The following WDR75 variants were observed in gnomAD, a reference collection of about 807,000 sequenced individuals.
The protein encoded by WDR75 is WD repeat domain 75.
A neutral mutation model predicts 106.1 loss-of-function variants in WDR75; 52 were observed. That is an observed-to-expected ratio of 0.49 (90% CI 0.39 to 0.62). The LOEUF is 0.62. Among genes scored for constraint, WDR75 ranks in the 20% least tolerant of loss-of-function variants. The probability of loss-of-function intolerance (pLI) is 0.00; values close to 1 mark genes in which losing one functional copy is unlikely to be tolerated. For missense variants in WDR75, 905 were observed against 970.3 expected (o/e 0.93, Z 0.89); for synonymous variants, 333 against 335.5 (o/e 0.99, Z 0.08).
intron 12 of WDR75, among the ~76,000 whole-genome samples, 170 bp from the exon 13 acceptor site, chr2:189,466,253 CTT>C (rs1686996896): frequency 6.6e-6 from 1 of 152,274 alleles, no homozygotes; most frequent in South Asian, 2.1e-4. Context: ...TATTAGAACT[CTT>C]TGCGTCCTGT....
chr2:189,441,730 C>T (rs553884208), intron 1 of WDR75, 152 bp downstream of exon 1: 3 of 838,506 alleles, frequency 3.6e-6, no homozygotes, highest in African/African-American at 1.7e-5. Flanking sequence ...CCCCAGGGTA[C>T]CTGGGAGGTC....
At chr2:189,442,517 C>T (rs1686401329) in intron 1 of WDR75, among the ~76,000 whole-genome samples, 1 of 122,032 alleles carries the variant, frequency 8.2e-6, no homozygotes, top group Non-Finnish European at 1.6e-5. Flanking sequence ...GTGGCTCAAT[C>T]TAGGCTCATT....
rs756212226 is a variant in WDR75 at position 189,458,802 on chromosome 2, A to T, written c.619A>T (p.Thr207Ser). Reference sequence around the variant, plus strand: ...TAAGAAGCATGCTAAAAACAATTTTACATGTGTAGCATGTCACCCAACGGA... The same window carrying T: ...TAAGAAGCATGCTAAAAACAATTTTTCATGTGTAGCATGTCACCCAACGGA... The part of the protein sequence containing the change: ...RNKKHAKNNF[T>S]CVACHPTEDC... Residue 207 changes from threonine (T) to serine (S), a missense_variant, in exon 7 of 21, where the codon ACA becomes TCA. By Grantham distance (58) the Thr-to-Ser change is moderately conservative. Coordinates refer to ENST00000314761, the MANE Select transcript of WDR75 (RefSeq NM_032168.3). 26 of 1,607,350 alleles carry T rather than the reference A, an allele frequency of 1.6e-5. No individual in the cohort carries two copies. The highest frequency in any genetic ancestry group is 2.2e-5 in the Non-Finnish European group (26 of 1,177,184).
In WDR75 at chr2:189,458,735, G is replaced by GT. The variant is rs576214591; in HGVS notation, c.570-8dup. On this transcript the variant is annotated splice_polypyrimidine_tract_variant and intron_variant, in intron 6 of 20. Coordinates refer to ENST00000314761, the MANE Select transcript of WDR75 (RefSeq NM_032168.3). Reference sequence around the variant, plus strand: ...GAGACTTTAATAATTAAGGGAATTTGTTTTTTTTTTCTCCTAGGTTTACTT... The same window carrying GT: ...GAGACTTTAATAATTAAGGGAATTTGTTTTTTTTTTTCTCCTAGGTTTACTT... 0.015 allele frequency: 19,651 copies of GT among 1,297,544 alleles called. 2 individuals are homozygous for GT. Among genetic ancestry groups the GT allele is most frequent in the South Asian group, 0.037 (2,317 of 63,280 alleles). The allele number at this position is 1,297,544 out of a possible 1,614,324, so 80.4% of individuals were successfully genotyped here. A position where few individuals can be genotyped will look rare whatever the true frequency, so the allele number is the denominator to read the frequency against.
intron 12 of WDR75, 43 bp downstream of exon 12, chr2:189,465,297 A>G: frequency 1.3e-6 from 2 of 1,518,088 alleles, no homozygotes; most frequent in Non-Finnish European, 1.8e-6. Flanking sequence ...AGTATAAAAT[A>G]TTTCACTTCC....
chr2:189,464,944 C>T, intron 11 of WDR75, 135 bp from the exon 12 acceptor site: 7 of 595,370 alleles, frequency 1.2e-5, no homozygotes, highest in Admixed American at 3.6e-5. Flanking sequence ...TCATTTTTGC[C>T]TTTATTTAAA....
chr2:189,450,644 C>T (rs1057085779), intron 2 of WDR75: 1 of 1,275,158 alleles, frequency 7.8e-7, no homozygotes, highest in African/African-American at 1.6e-5. Context: ...CAAAACCTTA[C>T]CATCTCCCTC....
At position 189,463,877 on chromosome 2, in the gene WDR75, T is replaced by G; in HGVS notation, c.1029T>G (p.Asp343Glu). 1 of 1,613,926 alleles carries G rather than the reference T, an allele frequency of 6.2e-7. No homozygotes were observed. Among genetic ancestry groups the G allele is most frequent in the Non-Finnish European group, 8.5e-7 (1 of 1,179,840 alleles). The change falls in exon 11 of 21, where the codon GAT (aspartate) becomes GAG (glutamate). Residue 343 changes from aspartate to glutamate, a missense_variant. Coordinates refer to ENST00000314761, the MANE Select transcript of WDR75 (RefSeq NM_032168.3). ...DRSIFTGLMI[D>E]PRTKALVLNG... ...GTATCTTCACTGGTTTGATGATTGA[T>G]CCAAGAACTAAAGCTTTGGTTTTGA...
At position 189,469,436 on chromosome 2, in the gene WDR75, G is replaced by C. The variant is rs776042375; in HGVS notation, c.1816G>C (p.Asp606His). 1.2e-6 allele frequency: 2 copies of C among 1,609,146 alleles called. No homozygotes were observed. The highest frequency in any genetic ancestry group is 2.7e-5 in the African/African-American group (2 of 74,792). Residue 606 changes from aspartate (D) to histidine (H), a missense_variant, in exon 16 of 21, where the codon GAC becomes CAC. Asp to His is a moderately conservative substitution (Grantham distance 81). Coordinates refer to ENST00000314761, the MANE Select transcript of WDR75 (RefSeq NM_032168.3). ...AATCTCTCAGTCTTCAGTGGGTTCA[G>C]ACTGTAAGTACAAACCACACTTTGT... ...AAISQSSVGS[D>H]LFVFKPSEPR...
At chr2:189,449,852 C>T (rs1389778362) in intron 2 of WDR75, 2 of 984,594 alleles carry the variant, frequency 2.0e-6, no homozygotes, top group East Asian at 1.1e-4. Context: ...TCTCTGAGTC[C>T]ATGTCTCTAT....
At chr2:189,472,303 T>G (rs1488872461) in intron 18 of WDR75, among the ~76,000 whole-genome samples, 1 of 152,134 alleles carries the variant, frequency 6.6e-6, no homozygotes, top group Admixed American at 6.5e-5. Flanking sequence ...AACAGGGAAG[T>G]CTACGTAGGC....
chr2:189,466,665 G>C, intron 13 of WDR75, 83 bp downstream of exon 13: 3 of 1,380,278 alleles, frequency 2.2e-6, no homozygotes, highest in Non-Finnish European at 2.9e-6. Flanking sequence ...ATCCATCCTG[G>C]GAGGACATTT....
intron 18 of WDR75, among the ~76,000 whole-genome samples, chr2:189,473,351 C>A (rs565310039): frequency 6.6e-6 from 1 of 152,300 alleles, no homozygotes; most frequent in Admixed American, 6.5e-5. Flanking sequence ...CATCTCAGGT[C>A]TGGCAGAAAT....
intron 1 of WDR75, among the ~76,000 whole-genome samples, chr2:189,443,168 C>G (rs973054548): frequency 2.6e-5 from 4 of 152,192 alleles, no homozygotes; most frequent in African/African-American, 9.7e-5. Context: ...ATTTTTCTTA[C>G]TGTGGTCCTG....
At position 189,474,165 on chromosome 2, in the gene WDR75, CTT is replaced by C. The variant is rs1251745120; in HGVS notation, c.2050-19_2050-18del. Reference sequence around the variant, plus strand: ...CTTCCTTTTTTCTGAAATAATTTCTCTTTGTCTTAAATCCTTAAAGCTGCTAG... The same window carrying C: ...CTTCCTTTTTTCTGAAATAATTTCTCTGTCTTAAATCCTTAAAGCTGCTAG... On this transcript the variant is annotated intron_variant, in intron 18 of 20. Transcript: ENST00000314761. 1 of 1,593,728 alleles carries C rather than the reference CTT, an allele frequency of 6.3e-7. No homozygotes were observed. The highest frequency in any genetic ancestry group is 1.4e-5 in the African/African-American group (1 of 73,516).
chr2:189,474,493 A>T (rs1286639812), intron 19 of WDR75, among the ~76,000 whole-genome samples, 161 bp downstream of exon 19: 1 of 152,170 alleles, frequency 6.6e-6, no homozygotes, highest in Non-Finnish European at 1.5e-5. Flanking sequence ...GTGATCTGGG[A>T]TTGTTTTGTC....
rs1230527001 is a variant in WDR75 at position 189,458,826 on chromosome 2, G to A, written c.643G>A (p.Glu215Lys). The A allele has an allele frequency of 1.9e-6, 3 of 1,609,054 alleles. No homozygotes were observed. In the Admixed American group the frequency reaches 5.1e-5, roughly 27 times the overall value. ...TACATGTGTAGCATGTCACCCAACG[G>A]AAGACTGCATCGCATCTGGTCACAT... ...NFTCVACHPT[E>K]DCIASGHMDG... The change falls in exon 7 of 21, where the codon GAA (glutamate) becomes AAA (lysine). Residue 215 changes from glutamate to lysine, a missense_variant. Transcript: ENST00000314761.
Position 189,462,534 on chromosome 2 carries a change from G to C in WDR75, c.829G>C (p.Asp277His). 6.2e-7 allele frequency: 1 copy of C among 1,614,068 alleles called. No homozygotes were observed. The highest frequency in any genetic ancestry group is 8.5e-7 in the Non-Finnish European group (1 of 1,179,974). ...GRESVLVEWR[D>H]ATEKNKEFLP... ...TGAATCTGTACTTGTAGAGTGGCGC[G>C]ATGCAACAGAGAAGAATAAGGAGTT... The change falls in exon 9 of 21, where the codon GAT becomes CAT. Residue 277 changes from aspartate to histidine, a missense_variant. Asp to His is a moderately conservative substitution (Grantham distance 81). Transcript: ENST00000314761.
intron 18 of WDR75, 31 bp from the exon 19 acceptor site, chr2:189,474,155 A>C (rs1182079559): frequency 1.8e-5 from 28 of 1,586,750 alleles, no homozygotes; most frequent in Non-Finnish European, 2.3e-5. Context: ...TTTTTTCTGA[A>C]ATAATTTCTC....
Sources: allele counts gnomAD v4.1 joint callset (sites outside exome capture counted in the v4.1 genomes callset), GRCh38; gene constraint gnomAD v4.1.1; transcripts MANE v1.5; gene names NCBI Gene and HGNC (gene_info 2026-07-23, HGNC 2026-07-21).